Variants in C10orf143 observed in about 807,000 individuals in gnomAD.
The protein encoded by C10orf143 is chromosome 10 open reading frame 143.
rs141436167 is a variant in C10orf143 at position 130,041,207 on chromosome 10, G to A, written c.298-5237C>T. On this transcript the variant is annotated intron_variant and NMD_transcript_variant, in intron 3 of 5. Transcript: ENST00000643056. ...GCAAAGCAGCGAGCACCTAAATACC[G>A]AGGCTCTGGTTCCTGAGTCCAGATG... 2.6e-4 allele frequency among the ~76,000 whole-genome samples: 40 copies of A among 152,354 alleles called. No individual in the cohort carries two copies. In the East Asian group the frequency reaches 7.5e-3, roughly 29 times the overall value.
chr10:130,110,431 C>A (rs1861741883), intron 1 of C10orf143, among the ~76,000 whole-genome samples: 1 of 152,240 alleles, frequency 6.6e-6, no homozygotes, highest in Middle Eastern at 3.2e-3. Flanking sequence ...GAGCCTGGGT[C>A]TGGAGCCCCA....
At chr10:130,044,181 C>G (rs890158954) in intron 3 of C10orf143, among the ~76,000 whole-genome samples, 11 of 152,154 alleles carry the variant, frequency 7.2e-5, no homozygotes, top group Non-Finnish European at 1.5e-5. Flanking sequence ...GGGGACTGCC[C>G]CTGAGGAGCC....
intron 3 of C10orf143, among the ~76,000 whole-genome samples, chr10:130,044,796 C>T (rs975405820): frequency 6.6e-6 from 1 of 152,164 alleles, no homozygotes; most frequent in African/African-American, 2.4e-5. Flanking sequence ...GGGATGTACC[C>T]TTGCCACCTG....
chr10:130,056,587 T>A lies in C10orf143; in HGVS notation c.298-20617A>T, dbSNP rs2134737488. Among the ~76,000 whole-genome samples the A allele has an allele frequency of 6.6e-6, 1 of 152,254 alleles. No individual in the cohort carries two copies. The highest frequency in any genetic ancestry group is 1.9e-4 in the East Asian group (1 of 5,186). On this transcript the variant is annotated intron_variant and NMD_transcript_variant, in intron 3 of 5. Coordinates refer to the C10orf143 transcript ENST00000643056. This position sits in a 1 kb window ranked among gnomAD's most constrained non-coding sequence, Gnocchi z 4.6. ...TTTCATTTTTTTAAATTAAATTAAA[T>A]CTATTTTATTTTATTTTATTTTGAA... is the stretch of plus-strand genomic sequence containing the variant.
chr10:130,110,768 T>A lies in C10orf143; in HGVS notation c.5A>T (p.Asp2Val). 1 of 398,930 alleles carries A rather than the reference T, an allele frequency of 2.5e-6. No homozygotes were observed. Among genetic ancestry groups the A allele is most frequent in the South Asian group, 1.3e-4 (1 of 7,866 alleles). 24.7% of individuals were successfully genotyped at this position (398,930 alleles called of 1,614,324 possible). Residue 2 changes from aspartate to valine, a missense_variant, in exon 1 of 4, where the codon GAC becomes GTC. Physicochemically the swap from Asp to Val is radical, Grantham distance 152. Coordinates refer to ENST00000637128, the MANE Select transcript of C10orf143 (RefSeq NM_001355042.2). ...TCGCCAGCGGCCGAGCGCTAAGCTGTCCATGCAGCCCCAGGGTCAAACCCT... is the reference window on the plus strand; with the variant it reads ...TCGCCAGCGGCCGAGCGCTAAGCTGACCATGCAGCCCCAGGGTCAAACCCT... M[D>V]SLALGRWRQR...
chr10:130,106,902 C>T (rs779225368), intron 1 of C10orf143: 9 of 1,033,770 alleles, frequency 8.7e-6, no homozygotes, highest in South Asian at 1.3e-5. Context: ...GAAGACGTAA[C>T]GGATGATGAT....
chr10:130,086,980 C>T (rs547445536), intron 1 of C10orf143, among the ~76,000 whole-genome samples: 80 of 152,304 alleles, frequency 5.3e-4, no homozygotes, highest in Non-Finnish European at 1.0e-3. Flanking sequence ...GCCAGGGTCC[C>T]GACAGCCTGT....
chr10:130,091,469 C>G (rs1055429940), intron 1 of C10orf143, among the ~76,000 whole-genome samples: 1 of 152,196 alleles, frequency 6.6e-6, no homozygotes, highest in Admixed American at 6.5e-5. Flanking sequence ...AAAACCAGCA[C>G]AAAAAGGCTG....
intron 3 of C10orf143, chr10:130,064,973 A>G (rs1190578128): frequency 6.6e-6 from 1 of 152,308 alleles, no homozygotes; most frequent in Non-Finnish European, 1.5e-5. Context: ...TCTCTGTCAC[A>G]CTTGGCCACA....
rs1219087795 is a variant in C10orf143, at chr10:130,056,013, T to A, written c.298-20043A>T. On this transcript the variant is annotated intron_variant and NMD_transcript_variant, in intron 3 of 5. Coordinates refer to the C10orf143 transcript ENST00000643056. The surrounding 1 kb of genome is among the most constrained non-coding windows in gnomAD (Gnocchi z 4.6). ...AGAAAAATGGGCCTTATCAGAAGAG[T>A]GATGAAATAGATCATTTTAACTGAA... Among the ~76,000 whole-genome samples the A allele has an allele frequency of 2.5e-5, 3 of 122,126 alleles. No individual in the cohort carries two copies. The highest frequency in any genetic ancestry group is 6.1e-5 in the African/African-American group (2 of 32,588). 80.1% of individuals were successfully genotyped at this position (122,126 alleles called of 152,430 possible).
At chr10:130,085,664 C>T (rs1433244447) in intron 1 of C10orf143, among the ~76,000 whole-genome samples, 1 of 152,090 alleles carries the variant, frequency 6.6e-6, no homozygotes, top group Non-Finnish European at 1.5e-5. Flanking sequence ...AATTTCATGG[C>T]ATGCTAACTA....
intron 3 of C10orf143, chr10:130,068,232 A>G (rs1860969739): frequency 6.6e-6 from 1 of 152,232 alleles, no homozygotes; most frequent in Non-Finnish European, 1.5e-5. Context: ...AGTGGATCTG[A>G]CCTGGAAGGG....
rs1338860680 is a variant in C10orf143 at position 130,087,753 on chromosome 10, A to C, written c.70-7852T>G. Among the ~76,000 whole-genome samples, 7 of 152,188 alleles carry C rather than the reference A, an allele frequency of 4.6e-5. No homozygotes were observed. The East Asian group carries it at 1.4e-3, about 29-fold the overall frequency. On this transcript the variant is annotated intron_variant, in intron 1 of 3. Coordinates refer to ENST00000637128, the MANE Select transcript of C10orf143 (RefSeq NM_001355042.2). ...CTGAGAAGAGCCAGCCCTTATATGA[A>C]CCAGACAGGGGACATCTCCCCAAAG...
At chr10:130,100,129 C>T (rs146116187) in intron 1 of C10orf143, among the ~76,000 whole-genome samples, 20 of 152,074 alleles carry the variant, frequency 1.3e-4, no homozygotes, top group African/African-American at 4.3e-4. Flanking sequence ...AGCCACCGCG[C>T]CCGGGCTTCA....
intron 3 of C10orf143, among the ~76,000 whole-genome samples, chr10:130,049,564 G>T (rs1333999596): frequency 6.6e-6 from 1 of 152,170 alleles, no homozygotes; most frequent in Non-Finnish European, 1.5e-5. Context: ...CTGGGCAGGG[G>T]CTTGGGGACC....
chr10:130,083,615 T>C (rs1192679400), intron 1 of C10orf143, among the ~76,000 whole-genome samples: 4 of 152,148 alleles, frequency 2.6e-5, no homozygotes, highest in East Asian at 3.9e-4. Flanking sequence ...CCAGAATACA[T>C]TGTTAAGTGA....
chr10:130,100,328 A>G (rs1358738550), intron 1 of C10orf143, among the ~76,000 whole-genome samples: 2 of 151,810 alleles, frequency 1.3e-5, no homozygotes, highest in Non-Finnish European at 2.9e-5. Context: ...TCAGGTGTTC[A>G]AGACCAGCCT....
At chr10:130,088,648 AC>A (rs1861331586) in intron 1 of C10orf143, among the ~76,000 whole-genome samples, 1 of 152,118 alleles carries the variant, frequency 6.6e-6, no homozygotes, top group Non-Finnish European at 1.5e-5. Flanking sequence ...TTCAAGTCCT[AC>A]CATGATAAAG....
At chr10:130,044,742 T>C (rs2134725776) in intron 3 of C10orf143, among the ~76,000 whole-genome samples, 1 of 152,230 alleles carries the variant, frequency 6.6e-6, no homozygotes, top group Non-Finnish European at 1.5e-5. Context: ...GATCCATTTG[T>C]CAACGGACCA....
Sources: allele counts gnomAD v4.1 joint callset (sites outside exome capture counted in the v4.1 genomes callset), GRCh38; gene constraint gnomAD v4.1.1; non-coding constraint Gnocchi (gnomAD v3.1); transcripts MANE v1.5; gene names NCBI Gene and HGNC (gene_info 2026-07-23, HGNC 2026-07-21).